COL22A1: variants seen among roughly 807,000 people sequenced by gnomAD.
COL22A1 encodes collagen alpha-1(XXII) chain.
COL22A1 carries 221 observed loss-of-function variants against 248.9 expected under a neutral mutation model. The observed-to-expected ratio is 0.89, with a 90% CI of 0.80 to 0.99. The LOEUF (loss-of-function observed/expected upper bound fraction) is 0.99. Ranked by LOEUF, COL22A1 falls within the 50% of genes least tolerant of loss-of-function variation. The pLI, the probability that COL22A1 is intolerant of heterozygous loss-of-function variation, is 0.00. For missense variants in COL22A1, 2,240 were observed against 2,179.0 expected (o/e 1.03, Z -0.56); for synonymous variants, 891 against 793.4 (o/e 1.12, Z -2.07).
Position 138,844,207 on chromosome 8 carries a change from C to T in COL22A1, c.659-49G>A, listed in dbSNP as rs112765773. ...AGACTGATGAGAAAATGTGACCCAT[C>T]GTCACCCTGTGAAATATGACAGCAC... On this transcript the variant is annotated intron_variant, in intron 3 of 64. Coordinates refer to ENST00000303045, the MANE Select transcript of COL22A1 (RefSeq NM_152888.3). 48 of 1,555,372 alleles carry T rather than the reference C, an allele frequency of 3.1e-5. No homozygotes were observed. In the African/African-American group the frequency reaches 3.7e-4, roughly 12 times the overall value.
At chr8:138,714,462 A>T (rs1829278600) in intron 30 of COL22A1, among the ~76,000 whole-genome samples, 1 of 151,918 alleles carries the variant, frequency 6.6e-6, no homozygotes, top group Non-Finnish European at 1.5e-5. Context: ...GGCCAAGGAG[A>T]ACTGGTTTTG....
intron 47 of COL22A1, among the ~76,000 whole-genome samples, chr8:138,639,539 G>C (rs893634930): frequency 6.6e-6 from 1 of 152,172 alleles, no homozygotes; most frequent in Non-Finnish European, 1.5e-5. Context: ...GTTTATTAAA[G>C]AGTCATTTCA....
chr8:138,834,672 C>T (rs749578576), intron 4 of COL22A1, among the ~76,000 whole-genome samples: 24 of 152,280 alleles, frequency 1.6e-4, no homozygotes, highest in Non-Finnish European at 2.5e-4. Flanking sequence ...GAATGTACGT[C>T]ATTGCTGTGA....
At chr8:138,688,894 C>T (rs1369379320) in intron 37 of COL22A1, 23 bp downstream of exon 37, 45 of 1,603,646 alleles carry the variant, frequency 2.8e-5, no homozygotes, top group Non-Finnish European at 3.8e-5. Context: ...CACTTGTGTG[C>T]TGAGAGATCA....
intron 16 of COL22A1, among the ~76,000 whole-genome samples, chr8:138,773,293 C>T (rs879800369): frequency 2.0e-4 from 30 of 152,150 alleles, no homozygotes; most frequent in African/African-American, 6.5e-4. Context: ...AGGCTGATCC[C>T]GGCTTCTGGC....
In COL22A1 at chr8:138,589,450, G is replaced by C. The variant is rs747890983; in HGVS notation, c.4694-10C>G. The C allele has an allele frequency of 6.6e-7, 1 of 1,512,786 alleles. No individual in the cohort carries two copies. Among genetic ancestry groups the C allele is most frequent in the Non-Finnish European group, 8.8e-7 (1 of 1,132,818 alleles). The allele number at this position is 1,512,786 out of a possible 1,614,324, so 93.7% of individuals were successfully genotyped here. A position where few individuals can be genotyped will look rare whatever the true frequency, so the allele number is the denominator to read the frequency against. ...GGTTCCCCGGGTTGACCTGGCCCAAGGAGCAAAAGAAACAGAAGGTGGTTC... is the reference window on the plus strand; with the variant it reads ...GGTTCCCCGGGTTGACCTGGCCCAACGAGCAAAAGAAACAGAAGGTGGTTC... On this transcript the variant is annotated splice_polypyrimidine_tract_variant and intron_variant, in intron 64 of 64. Coordinates refer to ENST00000303045, the MANE Select transcript of COL22A1 (RefSeq NM_152888.3).
chr8:138,813,007 G>A lies in COL22A1; in HGVS notation c.1258C>T (p.Arg420Trp), dbSNP rs143147850. ...DSVPIDFDLQ[R>W]IVIYCDSRHA... ...CTCGAGTCACAATAGATCACAATCC[G>A]CTGTAGGTCAAACTGGAAAGGAAAG... Residue 420 changes from arginine (R) to tryptophan (W), a missense_variant, in exon 8 of 65, where the codon CGG (arginine) becomes TGG (tryptophan). By Grantham distance (101) the Arg-to-Trp change is moderately radical (BLOSUM62 -3). Coordinates refer to ENST00000303045, the MANE Select transcript of COL22A1 (RefSeq NM_152888.3). 68 of 1,613,650 alleles carry A rather than the reference G, an allele frequency of 4.2e-5. No homozygotes were observed. In the East Asian group the frequency reaches 5.6e-4, roughly 13 times the overall value.
chr8:138,821,479 C>G, intron 6 of COL22A1, 68 bp from the exon 7 acceptor site: 1 of 1,513,882 alleles, frequency 6.6e-7, no homozygotes, highest in Non-Finnish European at 9.1e-7. Context: ...GAATGGGAAA[C>G]GGGAGTTCAG....
intron 23 of COL22A1, among the ~76,000 whole-genome samples, chr8:138,727,921 C>T (rs2131190905): frequency 6.6e-6 from 1 of 152,312 alleles, no homozygotes; most frequent in African/African-American, 2.4e-5. Context: ...CTTACTACCT[C>T]CACAGACTGC....
intron 16 of COL22A1, among the ~76,000 whole-genome samples, chr8:138,765,084 C>A (rs561417729): frequency 6.6e-6 from 1 of 152,342 alleles, no homozygotes; most frequent in Admixed American, 6.5e-5. Context: ...ATCCTCTCCT[C>A]CAAACTTGGC....
chr8:138,821,849 A>C (rs1422851671), intron 6 of COL22A1, among the ~76,000 whole-genome samples: 1 of 152,104 alleles, frequency 6.6e-6, no homozygotes, highest in Admixed American at 6.5e-5. Context: ...AACCAAAAAT[A>C]TCTTCAGGCC....
At chr8:138,680,090 AAACGGCCCC>A (rs1228680250) in intron 39 of COL22A1, among the ~76,000 whole-genome samples, 1 of 152,224 alleles carries the variant, frequency 6.6e-6, no homozygotes, top group Non-Finnish European at 1.5e-5. Flanking sequence ...AACTTTTAGA[AAACGGCCCC>A]AAGAAGAGCA....
chr8:138,835,559 C>A (rs1820363267), intron 4 of COL22A1, among the ~76,000 whole-genome samples: 1 of 152,170 alleles, frequency 6.6e-6, no homozygotes, highest in Admixed American at 6.5e-5. Flanking sequence ...GAAGACAGGG[C>A]CCAGCTTGCT....
chr8:138,693,039 G>A (rs548121936), intron 35 of COL22A1, among the ~76,000 whole-genome samples: 4 of 152,240 alleles, frequency 2.6e-5, no homozygotes, highest in South Asian at 2.1e-4. Flanking sequence ...AAGTCAGCCC[G>A]TCCTGCCTTC....
chr8:138,770,826 G>T (rs1222822912), intron 16 of COL22A1, among the ~76,000 whole-genome samples: 1 of 152,156 alleles, frequency 6.6e-6, no homozygotes, highest in African/African-American at 2.4e-5. Flanking sequence ...CGGAGGCAGT[G>T]CAAAGCTGAC....
chr8:138,768,384 G>A (rs974102397), intron 16 of COL22A1, among the ~76,000 whole-genome samples: 1 of 152,142 alleles, frequency 6.6e-6, no homozygotes, highest in Non-Finnish European at 1.5e-5. Flanking sequence ...TTTCTAGAAA[G>A]CCCACCTTCC....
chr8:138,646,766 C>T (rs1822239002), intron 46 of COL22A1, 84 bp from the exon 47 acceptor site: 2 of 970,584 alleles, frequency 2.1e-6, no homozygotes, highest in South Asian at 1.7e-5. Flanking sequence ...CCATCAGCCT[C>T]GTACCTCCCT....
chr8:138,829,402 T>TG (rs1489096642), intron 5 of COL22A1, among the ~76,000 whole-genome samples: 11 of 106,286 alleles, frequency 1.0e-4, no homozygotes, highest in African/African-American at 3.8e-4. Context: ...CTTCCTTTCC[T>TG]GTTTTTTTTT....
chr8:138,905,511 T>C (rs1814940466), intron 1 of COL22A1, among the ~76,000 whole-genome samples: 1 of 152,170 alleles, frequency 6.6e-6, no homozygotes, highest in Non-Finnish European at 1.5e-5. Flanking sequence ...AACCAGGCTG[T>C]TTAGAGCTCC....
Sources: gnomAD v4.1 joint callset for allele counts (sites outside exome capture counted in the v4.1 genomes callset) on GRCh38, gnomAD v4.1.1 for gene constraint, MANE v1.5 for transcripts, NCBI Gene and HGNC (gene_info 2026-07-23, HGNC 2026-07-21) for gene names.